TRIP11: variants seen among roughly 807,000 people sequenced by gnomAD.
TRIP11 encodes thyroid receptor-interacting protein 11.
In TRIP11, 148 loss-of-function variants were observed where a neutral mutation model predicts 223.1. The observed-to-expected ratio is 0.66, with a 90% confidence interval of 0.58 to 0.76. The LOEUF is 0.76. TRIP11 is among the 30% of genes least tolerant of loss of function. The probability of loss-of-function intolerance (pLI) is 0.00; values close to 1 mark genes in which losing one functional copy is unlikely to be tolerated. For synonymous variants in TRIP11, 762 were observed against 772.6 expected (o/e 0.99, Z 0.23); for missense variants, 2,043 against 2,222.0 (o/e 0.92, Z 1.62).
chr14:92,005,468 C>A lies in TRIP11; in HGVS notation c.2508G>T (p.Gln836His), dbSNP rs1185580561. ...KLQEELDKYSQALRKNEILRQ... is the reference protein window; with the variant it reads ...KLQEELDKYSHALRKNEILRQ... ...TTAAAATTTCATTTTTTCTTAAGGCCTGAGAATATTTATCCAATTCCTCCT... is the reference window on the plus strand; with the variant it reads ...TTAAAATTTCATTTTTTCTTAAGGCATGAGAATATTTATCCAATTCCTCCT... Residue 836 changes from glutamine (Q) to histidine (H), a missense_variant, in exon 11 of 21, where the codon CAG (glutamine) becomes CAT (histidine). By Grantham distance (24) the Gln-to-His change is conservative. Transcript: ENST00000267622. The A allele has an allele frequency of 6.2e-7, 1 of 1,613,824 alleles. No individual in the cohort carries two copies. Among genetic ancestry groups the A allele is most frequent in the Non-Finnish European group, 8.5e-7 (1 of 1,180,012 alleles).
intron 17 of TRIP11, 137 bp downstream of exon 17, chr14:91,975,971 C>G (rs1260120622): frequency 1.4e-6 from 1 of 699,248 alleles, no homozygotes; most frequent in Non-Finnish European, 2.4e-6. Flanking sequence ...AAAGCTGCAT[C>G]CTTCCTCACT....
At position 92,004,360 on chromosome 14, in the gene TRIP11, C is replaced by T; in HGVS notation, c.3616G>A (p.Glu1206Lys). Residue 1206 changes from glutamate (E) to lysine (K), a missense_variant, in exon 11 of 21, where the codon GAG becomes AAG. Glu to Lys is a moderately conservative substitution (Grantham distance 56). Coordinates refer to ENST00000267622, the MANE Select transcript of TRIP11 (RefSeq NM_004239.4). ...AACTTGTCACGTTCCTGTAGAAGCT[C>T]CTCAAATTGATTACTATTAACACCT... ...AGGVNSNQFE[E>K]LLQERDKLKQ... The T allele has an allele frequency of 6.2e-7, 1 of 1,614,066 alleles. No homozygotes were observed. Among genetic ancestry groups the T allele is most frequent in the Non-Finnish European group, 8.5e-7 (1 of 1,180,030 alleles).
At chr14:91,993,679 G>A (rs2056710479) in intron 15 of TRIP11, 130 bp downstream of exon 15, 1 of 732,782 alleles carries the variant, frequency 1.4e-6, no homozygotes, top group Non-Finnish European at 2.3e-6. Context: ...TCAGGCTACA[G>A]CAGAGGGCTG....
intron 20 of TRIP11, 99 bp downstream of exon 20, chr14:91,972,618 C>A (rs1010995103): frequency 3.0e-5 from 39 of 1,300,024 alleles, no homozygotes; most frequent in African/African-American, 4.5e-5. Flanking sequence ...TTACACATTT[C>A]CAAAAATACT....
At chr14:91,988,225 C>G (rs1358156057) in intron 16 of TRIP11, 59 bp downstream of exon 16, 1 of 1,365,600 alleles carries the variant, frequency 7.3e-7, no homozygotes, top group African/African-American at 1.4e-5. Context: ...TGACAGAAGA[C>G]TACATTTGAT....
chr14:91,972,630 A>T, intron 20 of TRIP11, 87 bp downstream of exon 20: 1 of 1,395,402 alleles, frequency 7.2e-7, no homozygotes, highest in Non-Finnish European at 9.8e-7. Flanking sequence ...AAAAATACTA[A>T]AAATTTAGTT....
Position 92,037,241 on chromosome 14 carries a change from G to C in TRIP11, c.139+2306C>G, listed in dbSNP as rs2057334419. On this transcript the variant is annotated intron_variant, in intron 1 of 20. Transcript: ENST00000267622. This position sits in a 1 kb window ranked among gnomAD's most constrained non-coding sequence, Gnocchi z 4.2. Reference sequence around the variant, plus strand: ...CAAAAAAATTCAGTCCTCACGCTGGGCATCAGGAAAACAGATAAATTATAA... The same window carrying C: ...CAAAAAAATTCAGTCCTCACGCTGGCCATCAGGAAAACAGATAAATTATAA... Among the ~76,000 whole-genome samples, 1 of 152,144 alleles carries C rather than the reference G, an allele frequency of 6.6e-6. No individual in the cohort carries two copies. The highest frequency in any genetic ancestry group is 1.5e-5 in the Non-Finnish European group (1 of 68,036).
rs767472258 is a variant in TRIP11 at position 91,999,408 on chromosome 14, A to G, written c.4724T>C (p.Phe1575Ser). 3.1e-6 allele frequency: 5 copies of G among 1,613,828 alleles called. No individual in the cohort carries two copies. In the South Asian group the frequency reaches 4.4e-5, roughly 14 times the overall value. ...TCTCTCTAGCTCTTGGTTTGAACGA[A>G]ATTCTTTGTCACGTAAACGTTGAAC... The part of the protein sequence containing the change: ...NEVQRLRDKE[F>S]RSNQELERLR... The change falls in exon 13 of 21, where the codon TTT becomes TCT. Residue 1575 changes from phenylalanine to serine, a missense_variant. Phe to Ser is a radical substitution (Grantham distance 155). Transcript: ENST00000267622.
At chr14:91,987,397 C>T (rs17127819) in intron 16 of TRIP11, among the ~76,000 whole-genome samples, 3,612 of 152,228 alleles carry the variant, frequency 0.024, 154 homozygotes, top group African/African-American at 0.082. Flanking sequence ...GTCAGTGGTT[C>T]CTGCCGGCTT....
chr14:92,017,390 G>T (rs1257828333), intron 5 of TRIP11, among the ~76,000 whole-genome samples: 5 of 151,986 alleles, frequency 3.3e-5, no homozygotes, highest in Non-Finnish European at 1.5e-5. Flanking sequence ...AAAAAAATCA[G>T]AAAAAATTAG....
intron 1 of TRIP11, 91 bp downstream of exon 1, chr14:92,039,456 T>A (rs941636139): frequency 1.8e-5 from 25 of 1,414,344 alleles, no homozygotes; most frequent in Middle Eastern, 2.5e-4. Flanking sequence ...CTTTGCGACC[T>A]GTCCGCGTCT....
intron 17 of TRIP11, among the ~76,000 whole-genome samples, chr14:91,975,816 G>C (rs760153059): frequency 6.6e-6 from 1 of 151,996 alleles, no homozygotes; most frequent in Non-Finnish European, 1.5e-5. Flanking sequence ...AAAAAAGAAT[G>C]GTAAAAATAA....
At position 91,969,616 on chromosome 14, in the gene TRIP11, A is replaced by C. The variant is rs1163700696; in HGVS notation, c.*57T>G. 3.9e-6 allele frequency: 6 copies of C among 1,542,302 alleles called. No individual in the cohort carries two copies. Among genetic ancestry groups the C allele is most frequent in the Non-Finnish European group, 9.0e-7 (1 of 1,116,624 alleles). ...AAGGCCACTTTGTGATAAAGTACAT[A>C]CATATAGTGTTCATGGTTTCTTTAA... On this transcript the variant is annotated 3_prime_UTR_variant, in exon 21 of 21. Coordinates refer to ENST00000267622, the MANE Select transcript of TRIP11 (RefSeq NM_004239.4).
At chr14:91,993,512 TA>T (rs2056707757) in intron 15 of TRIP11, among the ~76,000 whole-genome samples, 1 of 149,440 alleles carries the variant, frequency 6.7e-6, no homozygotes, top group South Asian at 2.1e-4. Flanking sequence ...GAGAAAATTA[TA>T]AAGTTAAATT....
chr14:91,998,572 T>C (rs1039570338), intron 13 of TRIP11, among the ~76,000 whole-genome samples: 10 of 151,964 alleles, frequency 6.6e-5, no homozygotes, highest in African/African-American at 2.2e-4. Flanking sequence ...GGGTATATAA[T>C]GTATACACAC....
chr14:92,019,272 T>G (rs1253321204), intron 4 of TRIP11, among the ~76,000 whole-genome samples: 2 of 152,134 alleles, frequency 1.3e-5, no homozygotes, highest in Non-Finnish European at 2.9e-5. Context: ...TAACAATGTT[T>G]CTTAAAATGT....
rs200042128 is a variant in TRIP11 at position 92,000,140 on chromosome 14, A to C, written c.4558-32T>G. 256 of 1,609,506 alleles carry C rather than the reference A, an allele frequency of 1.6e-4. 1 individual carries two copies. Among genetic ancestry groups the C allele is most frequent in the African/African-American group, 6.0e-4 (45 of 74,662 alleles). On this transcript the variant is annotated intron_variant, in intron 11 of 20. Transcript: ENST00000267622. Reference sequence around the variant, plus strand: ...GAAAGAAAAAATTTTAGCTTTAAAAAACACACACACACACATATTTTAAAA... The same window carrying C: ...GAAAGAAAAAATTTTAGCTTTAAAACACACACACACACACATATTTTAAAA...
At chr14:91,977,337 C>T in intron 16 of TRIP11, 2 of 405,394 alleles carry the variant, frequency 4.9e-6, no homozygotes, top group Admixed American at 5.8e-5. Flanking sequence ...ATCTAAGAAA[C>T]TATACCTAAC....
chr14:92,010,880 G>C, intron 9 of TRIP11, 106 bp downstream of exon 9: 1 of 1,052,324 alleles, frequency 9.5e-7, no homozygotes. Flanking sequence ...TTATTCTAAG[G>C]ACTTGAGCTC....
Sources: allele counts gnomAD v4.1 joint callset (sites outside exome capture counted in the v4.1 genomes callset), GRCh38; gene constraint gnomAD v4.1.1; non-coding constraint Gnocchi (gnomAD v3.1); transcripts MANE v1.5; gene names NCBI Gene and HGNC (gene_info 2026-07-23, HGNC 2026-07-21).